Variants in TENM2 observed in about 807,000 individuals in gnomAD.
TENM2 encodes teneurin transmembrane protein 2, also known as teneurin-2.
A neutral mutation model predicts 245.2 loss-of-function variants in TENM2; 52 were observed. The ratio of observed to expected loss-of-function variants is 0.21; its 90% CI spans 0.17 to 0.27. TENM2 has a LOEUF of 0.27. Ranked by LOEUF, TENM2 falls within the 10% of genes least tolerant of loss-of-function variation. TENM2 has a pLI of 1.00. For synonymous variants in TENM2, 1,363 were observed against 1,438.9 expected (o/e 0.95, Z 1.19); for missense variants, 3,046 against 3,666.8 (o/e 0.83, Z 4.37).
chr5:168,028,288 T>C (rs957402336), intron 5 of TENM2, among the ~76,000 whole-genome samples: 1 of 152,158 alleles, frequency 6.6e-6, no homozygotes, highest in Non-Finnish European at 1.5e-5. Flanking sequence ...CGGGAATCAC[T>C]GTGGTTGATA....
chr5:168,154,147 T>TAAAAAAAAAAACAAAAA (rs1756907701), intron 12 of TENM2, among the ~76,000 whole-genome samples: 1 of 85,098 alleles, frequency 1.2e-5, no homozygotes, highest in Non-Finnish European at 2.5e-5. Flanking sequence ...TCACCTACTT[T>TAAAAAAAAAAACAAAAA]AAAAAAAAAA....
At chr5:167,350,540 G>A (rs1346855017) in intron 1 of TENM2, among the ~76,000 whole-genome samples, 1 of 136,206 alleles carries the variant, frequency 7.3e-6, no homozygotes, top group African/African-American at 2.6e-5. Flanking sequence ...GGAATATATA[G>A]ACAACCTATC....
At chr5:167,763,055 C>T (rs565304693) in intron 2 of TENM2, among the ~76,000 whole-genome samples, 7 of 152,270 alleles carry the variant, frequency 4.6e-5, no homozygotes, top group South Asian at 2.1e-4. Flanking sequence ...AGAGCAATTC[C>T]GGAAACCGGG....
chr5:167,115,701 CAG>C, the TENM2 span, among the ~76,000 whole-genome samples: 18 of 152,040 alleles, frequency 1.2e-4, no homozygotes, highest in African/African-American at 4.3e-4. Context: ...AGTTTAAAAA[CAG>C]AAAATAAATT....
chr5:167,808,806 C>T (rs1766420481), intron 2 of TENM2, among the ~76,000 whole-genome samples: 2 of 152,122 alleles, frequency 1.3e-5, no homozygotes, highest in African/African-American at 4.8e-5. Flanking sequence ...CATTTGTTCC[C>T]TTAAATATTG....
chr5:167,874,709 G>T (rs931897118), intron 2 of TENM2, among the ~76,000 whole-genome samples: 1 of 152,218 alleles, frequency 6.6e-6, no homozygotes, highest in Non-Finnish European at 1.5e-5. Flanking sequence ...AGTATAGGTG[G>T]TGATTGTCCT....
the TENM2 span, among the ~76,000 whole-genome samples, chr5:167,019,424 G>A: frequency 2.0e-5 from 3 of 152,118 alleles, no homozygotes; most frequent in African/African-American, 7.2e-5. Flanking sequence ...CCTGTTCATG[G>A]AGGTAAAACA....
chr5:168,126,522 C>A (rs1226370003), intron 11 of TENM2, among the ~76,000 whole-genome samples: 1 of 152,154 alleles, frequency 6.6e-6, no homozygotes, highest in Non-Finnish European at 1.5e-5. Context: ...AACGAGTTCC[C>A]AGGTGATACT....
intron 2 of TENM2, among the ~76,000 whole-genome samples, chr5:167,866,832 G>C (rs941979082): frequency 6.6e-6 from 1 of 152,166 alleles, no homozygotes; most frequent in Non-Finnish European, 1.5e-5. Flanking sequence ...GTCCAACATG[G>C]TAGCCACTAG....
chr5:167,864,306 TCAC>T (rs1182187003), intron 2 of TENM2, among the ~76,000 whole-genome samples: 20 of 152,310 alleles, frequency 1.3e-4, no homozygotes, highest in African/African-American at 4.6e-4. Context: ...GCAGAGTACT[TCAC>T]CATTTGCAAT....
At chr5:167,094,511 A>G in the TENM2 span, among the ~76,000 whole-genome samples, 7 of 152,054 alleles carry the variant, frequency 4.6e-5, no homozygotes, top group African/African-American at 1.2e-4. Flanking sequence ...TCTCTTTACA[A>G]TCCTTACAGA....
the TENM2 span, among the ~76,000 whole-genome samples, chr5:167,233,339 CGG>C: frequency 6.6e-6 from 1 of 151,972 alleles, no homozygotes; most frequent in African/African-American, 2.4e-5. Flanking sequence ...AGGAAGATAG[CGG>C]CCCCCCTTCT....
intron 2 of TENM2, among the ~76,000 whole-genome samples, chr5:167,705,142 A>G (rs1328564367): frequency 6.6e-6 from 1 of 152,184 alleles, no homozygotes; most frequent in African/African-American, 2.4e-5. Context: ...AAGTGATAGA[A>G]GACTGGAACT....
chr5:167,952,535 G>A, intron 3 of TENM2, 53 bp from the exon 6 acceptor site: 1 of 1,446,908 alleles, frequency 6.9e-7, no homozygotes, highest in Non-Finnish European at 9.5e-7. Context: ...TTTGCAGAGT[G>A]CCTGAGACTG....
chr5:168,214,943 A>T, intron 20 of TENM2, 97 bp from the exon 23 acceptor site: 1 of 916,764 alleles, frequency 1.1e-6, no homozygotes, highest in Non-Finnish European at 1.8e-6. Context: ...ACACTAGAGA[A>T]GGTAAGCGTC....
intron 2 of TENM2, among the ~76,000 whole-genome samples, chr5:167,756,651 G>A (rs990626378): frequency 2.0e-5 from 3 of 152,184 alleles, no homozygotes; most frequent in African/African-American, 4.8e-5. Flanking sequence ...AGGGAGGACA[G>A]ATGCCCTCAT....
At chr5:167,165,559 A>C in the TENM2 span, among the ~76,000 whole-genome samples, 20 of 152,232 alleles carry the variant, frequency 1.3e-4, no homozygotes, top group Non-Finnish European at 2.8e-4. Context: ...CAAGATCTAG[A>C]CACCAAATCG....
the TENM2 span, among the ~76,000 whole-genome samples, chr5:167,176,335 G>A: frequency 1.3e-5 from 2 of 152,270 alleles, no homozygotes; most frequent in East Asian, 3.9e-4. Context: ...CTTTTGTGAA[G>A]CTTTTCTTGA....
intron 4 of TENM2, among the ~76,000 whole-genome samples, chr5:167,981,141 C>T (rs1427218184): frequency 6.6e-6 from 1 of 152,220 alleles, no homozygotes; most frequent in Non-Finnish European, 1.5e-5. Context: ...CAGAGCCATC[C>T]CTGCTCCAGA....
Sources: gnomAD v4.1 joint callset for allele counts (sites outside exome capture counted in the v4.1 genomes callset) on GRCh38, gnomAD v4.1.1 for gene constraint, MANE v1.5 for transcripts, NCBI Gene and HGNC (gene_info 2026-07-23, HGNC 2026-07-21) for gene names.